FIP1L1: variants seen among roughly 807,000 people sequenced by gnomAD.
FIP1L1 encodes the protein factor interacting with PAPOLA and CPSF1.
In FIP1L1, 21 loss-of-function variants were observed where a neutral mutation model predicts 84.6. That is an observed-to-expected ratio of 0.25 (90% confidence interval 0.18 to 0.36). The LOEUF (loss-of-function observed/expected upper bound fraction) is 0.36. FIP1L1 is among the 10% of genes least tolerant of loss of function. The pLI is 1.00. For synonymous variants in FIP1L1, 263 were observed against 242.3 expected (o/e 1.09, Z -0.80); for missense variants, 526 against 751.1 (o/e 0.70, Z 3.50).
intron 10 of FIP1L1, among the ~76,000 whole-genome samples, chr4:53,403,955 C>A (rs1751645183): frequency 1.3e-5 from 2 of 151,714 alleles, no homozygotes; most frequent in Admixed American, 1.3e-4. Flanking sequence ...TGCTTTGGAG[C>A]TGCTTCTCTC....
chr4:53,405,608 A>G (rs1209038488), intron 10 of FIP1L1, among the ~76,000 whole-genome samples: 1,787 of 146,284 alleles, frequency 0.012, 26 homozygotes, highest in African/African-American at 0.044. Flanking sequence ...CAGTATGGCC[A>G]TTTTCACGAT....
At chr4:53,417,896 G>C (rs1435262614) in intron 11 of FIP1L1, among the ~76,000 whole-genome samples, 2 of 151,130 alleles carry the variant, frequency 1.3e-5, no homozygotes, top group East Asian at 1.9e-4. Flanking sequence ...CTAGATTCCT[G>C]CTCTTGTAGT....
At chr4:53,440,502 G>A in intron 13 of FIP1L1, 1 of 867,966 alleles carries the variant, frequency 1.2e-6, no homozygotes, top group Non-Finnish European at 1.8e-6. Flanking sequence ...TTATTTCAAA[G>A]TTTGTTTTGG....
At chr4:53,406,517 G>A (rs1160134898) in intron 10 of FIP1L1, among the ~76,000 whole-genome samples, 2 of 152,158 alleles carry the variant, frequency 1.3e-5, no homozygotes, top group African/African-American at 4.8e-5. Flanking sequence ...GATGATGCTG[G>A]CCTCACAAAA....
intron 11 of FIP1L1, among the ~76,000 whole-genome samples, chr4:53,416,361 T>C (rs1340418573): frequency 3.3e-5 from 5 of 152,208 alleles, no homozygotes; most frequent in Admixed American, 2.6e-4. Context: ...ATTTTAGGTT[T>C]AGTTTTGTCA....
intron 11 of FIP1L1, among the ~76,000 whole-genome samples, chr4:53,416,599 A>G (rs957591755): frequency 1.3e-5 from 2 of 152,260 alleles, no homozygotes; most frequent in Non-Finnish European, 2.9e-5. Context: ...AATCAGGACT[A>G]GAATACCTGC....
intron 11 of FIP1L1, among the ~76,000 whole-genome samples, chr4:53,417,849 A>G (rs2149816534): frequency 6.8e-6 from 1 of 146,226 alleles, no homozygotes; most frequent in South Asian, 2.2e-4. Context: ...TAAAACACAC[A>G]CTGTCTCACT....
At chr4:53,420,015 T>A (rs1761512765) in intron 11 of FIP1L1, among the ~76,000 whole-genome samples, 1 of 151,526 alleles carries the variant, frequency 6.6e-6, no homozygotes, top group South Asian at 2.1e-4. Context: ...GAGACCACGG[T>A]GCAACCCCGT....
intron 14 of FIP1L1, 84 bp from the exon 15 acceptor site, chr4:53,443,964 G>T: frequency 3.7e-6 from 3 of 803,874 alleles, no homozygotes; most frequent in South Asian, 3.9e-5. Context: ...TTGTAATTTT[G>T]CCTTGTTTTT....
At chr4:53,418,688 T>C (rs1282372584) in intron 11 of FIP1L1, among the ~76,000 whole-genome samples, 3 of 152,240 alleles carry the variant, frequency 2.0e-5, no homozygotes, top group African/African-American at 7.2e-5. Context: ...ATAGTTTATT[T>C]TTCTTAAGCT....
intron 15 of FIP1L1, among the ~76,000 whole-genome samples, chr4:53,446,292 CCA>C (rs1774180153): frequency 6.6e-6 from 1 of 152,086 alleles, no homozygotes; most frequent in Non-Finnish European, 1.5e-5. Context: ...AGATATTCAG[CCA>C]TTAAATGGAC....
At position 53,444,128 on chromosome 4, in the gene FIP1L1, A is replaced by C. The variant is rs374847677; in HGVS notation, c.1285+25A>C. 2.1e-6 allele frequency: 3 copies of C among 1,453,094 alleles called. No individual in the cohort carries two copies. The African/African-American group carries it at 4.1e-5, about 20-fold the overall frequency. 90.0% of individuals were successfully genotyped at this position (1,453,094 alleles called of 1,614,324 possible). A position where few individuals can be genotyped will look rare whatever the true frequency, so the allele number is the denominator to read the frequency against. ...GGTAAGTAGTATTATTTAGATGCCT[A>C]GATTCAGTTTGAATCAGTAAAGTAC... On this transcript the variant is annotated intron_variant, in intron 15 of 17. Coordinates refer to ENST00000337488, the MANE Select transcript of FIP1L1 (RefSeq NM_030917.4).
At position 53,443,882 on chromosome 4, in the gene FIP1L1, TAAA is replaced by T. The variant is rs543270930; in HGVS notation, c.1230-160_1230-158del. Among the ~76,000 whole-genome samples, 818 of 152,072 alleles carry T rather than the reference TAAA, an allele frequency of 5.4e-3. 5 individuals carry two copies. Among genetic ancestry groups the T allele is most frequent in the Non-Finnish European group, 8.6e-3 (585 of 67,982 alleles). ...TTAGGTATTTTAATATTTTTTAGGT[TAAA>T]AAAAACCCCATGTTTTATTAATAAA... is the stretch of plus-strand genomic sequence containing the variant. On this transcript the variant is annotated intron_variant, in intron 14 of 17. Transcript: ENST00000337488.
chr4:53,383,808 C>T lies in FIP1L1; in HGVS notation c.264C>T (p.Asp88=). The T allele has an allele frequency of 1.2e-6, 2 of 1,611,410 alleles. No individual in the cohort carries two copies. Among genetic ancestry groups the T allele is most frequent in the Non-Finnish European group, 1.7e-6 (2 of 1,177,758 alleles). ...AGACCGAAGATGATAGTGATAGTGA[C>T]AGCGATGATGATGAAGATGATGTTC... ...VTETEDDSDS[D]SDDDEDDVHV... Residue 88 remains aspartate, a synonymous_variant, in exon 5 of 18, where the codon GAC becomes GAT. Coordinates refer to ENST00000337488, the MANE Select transcript of FIP1L1 (RefSeq NM_030917.4).
intron 13 of FIP1L1, among the ~76,000 whole-genome samples, chr4:53,432,398 C>CAAAAAAAAAAAAAAA (rs35596754): frequency 1.5e-5 from 1 of 68,404 alleles, no homozygotes; most frequent in Non-Finnish European, 2.6e-5. Flanking sequence ...AACTCCATCT[C>CAAAAAAAAAAAAAAA]AAAAAAAAAA....
intron 11 of FIP1L1, among the ~76,000 whole-genome samples, chr4:53,421,595 T>G (rs1249425281): frequency 6.6e-6 from 1 of 152,170 alleles, no homozygotes; most frequent in African/African-American, 2.4e-5. Flanking sequence ...TCTTTTCAAG[T>G]TGGGAATATG....
At chr4:53,403,069 A>G (rs1407962114) in intron 10 of FIP1L1, among the ~76,000 whole-genome samples, 1 of 152,218 alleles carries the variant, frequency 6.6e-6, no homozygotes, top group East Asian at 1.9e-4. Context: ...GTGTTTGAGA[A>G]GAAAAGAGGT....
At chr4:53,423,058 G>C (rs961214593) in intron 11 of FIP1L1, among the ~76,000 whole-genome samples, 4 of 151,988 alleles carry the variant, frequency 2.6e-5, no homozygotes, top group Non-Finnish European at 5.9e-5. Context: ...GCCCTGATTT[G>C]TCATCTTAAA....
At chr4:53,403,276 T>C (rs1032000669) in intron 10 of FIP1L1, among the ~76,000 whole-genome samples, 2 of 152,182 alleles carry the variant, frequency 1.3e-5, no homozygotes, top group African/African-American at 4.8e-5. Flanking sequence ...TACTTTCTTA[T>C]CTAGGTTTTG....
Sources: allele counts gnomAD v4.1 joint callset (sites outside exome capture counted in the v4.1 genomes callset), GRCh38; gene constraint gnomAD v4.1.1; transcripts MANE v1.5; gene names NCBI Gene and HGNC (gene_info 2026-07-23, HGNC 2026-07-21).